Variants in TECPR1 observed in about 807,000 individuals in gnomAD.
TECPR1 encodes tectonin beta-propeller repeat-containing protein 1.
Under a neutral mutation model 162.4 loss-of-function variants are expected in TECPR1, and 122 were observed. That is an observed-to-expected ratio of 0.75 (90% CI 0.65 to 0.87). TECPR1 has a LOEUF of 0.87. Ranked by LOEUF, TECPR1 falls within the 40% of genes least tolerant of loss-of-function variation. The pLI, the probability that TECPR1 is intolerant of heterozygous loss-of-function variation, is 0.00. For synonymous variants in TECPR1, 642 were observed against 670.6 expected (o/e 0.96, Z 0.66); for missense variants, 1,432 against 1,618.2 (o/e 0.88, Z 1.97).
intron 10 of TECPR1, among the ~76,000 whole-genome samples, chr7:98,236,544 G>A (rs1798604430): frequency 1.3e-5 from 2 of 151,794 alleles, no homozygotes; most frequent in Non-Finnish European, 2.9e-5. Context: ...CCCAGAGTAT[G>A]TCAAACACCT....
rs762228240 is a variant in TECPR1, at chr7:98,229,992, CT to C, written c.2283-827del. Among the ~76,000 whole-genome samples, 268 of 139,568 alleles carry C rather than the reference CT, an allele frequency of 1.9e-3. 1 individual carries two copies. Among genetic ancestry groups the C allele is most frequent in the East Asian group, 3.8e-3 (18 of 4,738 alleles). The allele number at this position is 139,568 out of a possible 152,430, so 91.6% of individuals were successfully genotyped here. ...AGGGAACCTCATTCCCCCTTTGTGG[CT>C]TTTTTTTTTTTTTCTGAGACAGGGT... On this transcript the variant is annotated intron_variant, in intron 15 of 25. Coordinates refer to ENST00000447648, the MANE Select transcript of TECPR1 (RefSeq NM_015395.3).
chr7:98,232,601 G>C lies in TECPR1; in HGVS notation c.1818+226C>G, dbSNP rs541163444. ...ACCCTCTGAGGTTGCTGCCGTCTCTGGGTCCCCAGGGCCTCCAACGAGTCT... is the reference window on the plus strand; with the variant it reads ...ACCCTCTGAGGTTGCTGCCGTCTCTCGGTCCCCAGGGCCTCCAACGAGTCT... On this transcript the variant is annotated intron_variant, in intron 12 of 25. Transcript: ENST00000447648. This position sits in a 1 kb window ranked among gnomAD's most constrained non-coding sequence, Gnocchi z 4.6. Among the ~76,000 whole-genome samples the C allele has an allele frequency of 6.6e-6, 1 of 150,682 alleles. No individual in the cohort carries two copies. The highest frequency in any genetic ancestry group is 1.5e-5 in the Non-Finnish European group (1 of 67,688).
chr7:98,222,657 A>G, intron 21 of TECPR1, 136 bp from the exon 22 acceptor site: 1 of 1,089,302 alleles, frequency 9.2e-7, no homozygotes, highest in South Asian at 1.6e-5. Context: ...ACACAGCCCC[A>G]CCCGGCCTGA....
chr7:98,224,937 C>T, intron 18 of TECPR1, 57 bp from the exon 19 acceptor site: 1 of 1,546,204 alleles, frequency 6.5e-7, no homozygotes, highest in African/African-American at 1.4e-5. Context: ...GCAGTCAGAA[C>T]ACTCGAGGAG....
At chr7:98,247,485 T>G (rs986881261) in intron 2 of TECPR1, among the ~76,000 whole-genome samples, 1 of 152,112 alleles carries the variant, frequency 6.6e-6, no homozygotes, top group South Asian at 2.1e-4. Context: ...ACAGGTTTAG[T>G]TGAATCTCGA....
intron 23 of TECPR1, among the ~76,000 whole-genome samples, chr7:98,219,783 C>A (rs549778569): frequency 2.6e-5 from 4 of 151,816 alleles, no homozygotes; most frequent in Admixed American, 2.6e-4. Context: ...TGGCTGTAAT[C>A]CCAGCTACTC....
intron 11 of TECPR1, 138 bp downstream of exon 11, chr7:98,233,282 CA>C (rs1191780421): frequency 3.3e-6 from 4 of 1,201,130 alleles, no homozygotes; most frequent in Non-Finnish European, 4.4e-6. Context: ...ATGCCTGGCT[CA>C]GAGCTGCTGA....
At chr7:98,228,948 C>T (rs1181387125) in intron 16 of TECPR1, 91 bp downstream of exon 16, 6 of 1,483,126 alleles carry the variant, frequency 4.0e-6, no homozygotes, top group African/African-American at 1.4e-5. Flanking sequence ...AACACTGGGA[C>T]AATGGCCCTG....
chr7:98,233,122 T>C (rs2116579365), intron 11 of TECPR1, 150 bp from the exon 12 acceptor site: 1 of 898,020 alleles, frequency 1.1e-6, no homozygotes. Flanking sequence ...CCCTGTTGGA[T>C]GAGTTGCTCT....
rs200317044 is a variant in TECPR1 at position 98,233,495 on chromosome 7, A to G, written c.1598T>C (p.Leu533Pro). Reference sequence around the variant, plus strand: ...GCCGCCTCCCGACACCCAGGCCCACAGCGGGTGGTCATCCACCCCATACGG... The same window carrying G: ...GCCGCCTCCCGACACCCAGGCCCACGGCGGGTGGTCATCCACCCCATACGG... ...EEPYGVDDHP[L>P]WAWVSGGGCV... is the part of the protein sequence containing the mutation. Residue 533 changes from leucine (L) to proline (P), a missense_variant, in exon 11 of 26, where the codon CTG becomes CCG. Coordinates refer to ENST00000447648, the MANE Select transcript of TECPR1 (RefSeq NM_015395.3). 6.5e-4 allele frequency: 983 copies of G among 1,508,316 alleles called. No individual in the cohort carries two copies. The highest frequency in any genetic ancestry group is 7.6e-4 in the Non-Finnish European group (858 of 1,131,272). 93.4% of individuals were successfully genotyped at this position (1,508,316 alleles called of 1,614,324 possible).
chr7:98,219,187 T>C (rs1353513414), intron 23 of TECPR1, among the ~76,000 whole-genome samples: 1 of 152,128 alleles, frequency 6.6e-6, no homozygotes, highest in Non-Finnish European at 1.5e-5. Flanking sequence ...GATAGTCGCA[T>C]GTAGAATAAT....
rs1473657412 is a variant in TECPR1, at chr7:98,232,619, A to G, written c.1818+208T>C. The stretch of plus-strand genomic sequence containing the variant: ...CGTCTCTGGGTCCCCAGGGCCTCCA[A>G]CGAGTCTGGAACACAGTGAGGCCCA... On this transcript the variant is annotated intron_variant, in intron 12 of 25. Coordinates refer to ENST00000447648, the MANE Select transcript of TECPR1 (RefSeq NM_015395.3). The surrounding 1 kb of genome is among the most constrained non-coding windows in gnomAD (Gnocchi z 4.6). Among the ~76,000 whole-genome samples, 1 of 148,872 alleles carries G rather than the reference A, an allele frequency of 6.7e-6. No individual in the cohort carries two copies. Among genetic ancestry groups the G allele is most frequent in the Non-Finnish European group, 1.5e-5 (1 of 67,202 alleles).
chr7:98,239,839 G>C (rs1462326529), intron 8 of TECPR1, among the ~76,000 whole-genome samples: 1 of 152,026 alleles, frequency 6.6e-6, no homozygotes, highest in Non-Finnish European at 1.5e-5. Flanking sequence ...GGCCAGGCAC[G>C]GTGGCTCATG....
chr7:98,243,621 A>G (rs1584355838), intron 5 of TECPR1, 29 bp from the exon 6 acceptor site: 1 of 1,604,360 alleles, frequency 6.2e-7, no homozygotes, highest in Non-Finnish European at 8.5e-7. Context: ...AAATGGTAGC[A>G]GTCAGCGCCC....
Position 98,217,804 on chromosome 7 carries a change from A to T in TECPR1, c.3272T>A (p.Val1091Glu). ...GCTGCCCTGCACTTTGTTGGCGATC[A>T]CCCAGACCTGGAGCACAGACCCCAT... is the stretch of plus-strand genomic sequence containing the variant. Reference protein sequence around the residue: ...VSVGPLDQVWVIANKVQGSHS... With the variant: ...VSVGPLDQVWEIANKVQGSHS... Residue 1091 changes from valine to glutamate, a missense_variant, in exon 25 of 26, where the codon GTG (valine) becomes GAG (glutamate). Coordinates refer to ENST00000447648, the MANE Select transcript of TECPR1 (RefSeq NM_015395.3). 1 of 1,550,598 alleles carries T rather than the reference A, an allele frequency of 6.4e-7. No homozygotes were observed. Among genetic ancestry groups the T allele is most frequent in the Non-Finnish European group, 8.7e-7 (1 of 1,146,824 alleles).
intron 6 of TECPR1, among the ~76,000 whole-genome samples, chr7:98,242,227 C>T (rs1010753947): frequency 5.3e-5 from 8 of 152,194 alleles, no homozygotes; most frequent in Non-Finnish European, 7.4e-5. Flanking sequence ...GTGGTCAATG[C>T]GTGGTGAGAG....
intron 23 of TECPR1, among the ~76,000 whole-genome samples, chr7:98,221,240 T>C (rs1798132132): frequency 6.6e-6 from 1 of 152,084 alleles, no homozygotes; most frequent in Non-Finnish European, 1.5e-5. Context: ...AGGTGGAGGT[T>C]GCAGTGAGCC....
chr7:98,225,986 C>T (rs144513804), intron 17 of TECPR1, among the ~76,000 whole-genome samples: 10 of 152,338 alleles, frequency 6.6e-5, no homozygotes, highest in Non-Finnish European at 1.5e-4. Context: ...ACAGGACACT[C>T]GAGTGGCAGG....
chr7:98,217,283 C>T lies in TECPR1; in HGVS notation c.*107G>A. Reference sequence around the variant, plus strand: ...CTTGGGGCCAGGTTCCCTCCTGAGTCCACCTGGGCCACATTGCTCCCACGG... The same window carrying T: ...CTTGGGGCCAGGTTCCCTCCTGAGTTCACCTGGGCCACATTGCTCCCACGG... On this transcript the variant is annotated 3_prime_UTR_variant, in exon 26 of 26. Transcript: ENST00000447648. 1 of 760,622 alleles carries T rather than the reference C, an allele frequency of 1.3e-6. No homozygotes were observed. The highest frequency in any genetic ancestry group is 2.7e-5 in the East Asian group (1 of 36,670). 47.1% of individuals were successfully genotyped at this position (760,622 alleles called of 1,614,324 possible). A position where few individuals can be genotyped will look rare whatever the true frequency, so the allele number is the denominator to read the frequency against.
Sources: allele counts gnomAD v4.1 joint callset (sites outside exome capture counted in the v4.1 genomes callset), GRCh38; gene constraint gnomAD v4.1.1; non-coding constraint Gnocchi (gnomAD v3.1); transcripts MANE v1.5; gene names NCBI Gene and HGNC (gene_info 2026-07-23, HGNC 2026-07-21).